DOCK7: variants seen among roughly 807,000 people sequenced by gnomAD.
The protein encoded by DOCK7 is dedicator of cytokinesis protein 7.
A neutral mutation model predicts 271.0 loss-of-function variants in DOCK7; 138 were observed. The observed-to-expected ratio is 0.51, with a 90% CI of 0.44 to 0.59. DOCK7 has a LOEUF of 0.59. Ranked by LOEUF, DOCK7 falls within the 20% of genes least tolerant of loss-of-function variation. The pLI, the probability that DOCK7 is intolerant of heterozygous loss-of-function variation, is 0.00. For synonymous variants in DOCK7, 823 were observed against 876.1 expected (o/e 0.94, Z 1.07); for missense variants, 2,066 against 2,592.4 (o/e 0.80, Z 4.41).
chr1:62,622,774 C>T (rs551855763), intron 12 of DOCK7, among the ~76,000 whole-genome samples: 1 of 151,908 alleles, frequency 6.6e-6, no homozygotes, highest in South Asian at 2.1e-4. Context: ...ACTAAAAATA[C>T]AAAAAATTAG....
intron 18 of DOCK7, among the ~76,000 whole-genome samples, chr1:62,572,481 C>T (rs1646814734): frequency 1.3e-5 from 2 of 152,124 alleles, no homozygotes; most frequent in Admixed American, 6.5e-5. Flanking sequence ...CTCAGGCTGC[C>T]ATAACAAAGT....
rs893944251 is a variant in DOCK7, at chr1:62,688,356, C to A, written c.-92G>T. Reference sequence around the variant, plus strand: ...GCCTCCTCGCTCGTGCTCCCTCCCTCGCGGCCTCCGCCAGTCCGGGCTCCG... The same window carrying A: ...GCCTCCTCGCTCGTGCTCCCTCCCTAGCGGCCTCCGCCAGTCCGGGCTCCG... On this transcript the variant is annotated 5_prime_UTR_variant, in exon 1 of 50. Coordinates refer to ENST00000635253, the MANE Select transcript of DOCK7 (RefSeq NM_001367561.1). The A allele has an allele frequency of 3.5e-6, 3 of 858,134 alleles. No individual in the cohort carries two copies. Among genetic ancestry groups the A allele is most frequent in the African/African-American group, 1.8e-5 (1 of 56,088 alleles). The allele number at this position is 858,134 out of a possible 1,614,324, so 53.2% of individuals were successfully genotyped here.
intron 48 of DOCK7, among the ~76,000 whole-genome samples, chr1:62,462,180 T>G (rs1398279633): frequency 6.6e-6 from 1 of 152,094 alleles, no homozygotes; most frequent in Non-Finnish European, 1.5e-5. Flanking sequence ...AGAAAACATT[T>G]AAAAGACCTA....
At chr1:62,466,365 G>T (rs79685303) in intron 48 of DOCK7, among the ~76,000 whole-genome samples, 381 of 152,324 alleles carry the variant, frequency 2.5e-3, no homozygotes, top group African/African-American at 8.7e-3. Context: ...ATGCAGTCAG[G>T]TTTATAATCA....
At position 62,475,238 on chromosome 1, in the gene DOCK7, G is replaced by T; in HGVS notation, c.6075C>A (p.Leu2025=). ...PADPKMLQMV[L]QGSVGTTVNQ... is the part of the protein sequence containing the mutation. The stretch of plus-strand genomic sequence containing the variant: ...TCACTGTGGTGCCTACAGATCCCTG[G>T]AGTACCATCTGAAGCATTTTGGGGT... Residue 2025 remains leucine (L), a synonymous_variant, in exon 47 of 50, where the codon CTC becomes CTA. Transcript: ENST00000635253. 4.3e-6 allele frequency: 7 copies of T among 1,613,894 alleles called. No homozygotes were observed. Among genetic ancestry groups the T allele is most frequent in the Non-Finnish European group, 5.9e-6 (7 of 1,179,896 alleles).
chr1:62,520,906 T>C (rs897929011), intron 31 of DOCK7, among the ~76,000 whole-genome samples: 16 of 152,098 alleles, frequency 1.1e-4, no homozygotes, highest in African/African-American at 3.9e-4. Context: ...ATACACACCA[T>C]GGAATACTAT....
chr1:62,540,188 T>TA (rs1223935973), intron 25 of DOCK7, among the ~76,000 whole-genome samples: 2 of 147,750 alleles, frequency 1.4e-5, no homozygotes, highest in African/African-American at 2.5e-5. Context: ...TTTTTTCCAA[T>TA]AAAAAAACAG....
In DOCK7 at chr1:62,633,581, GTCA is replaced by G; in HGVS notation, c.1036-6_1036-4del. 6.2e-7 allele frequency: 1 copy of G among 1,608,196 alleles called. No homozygotes were observed. Among genetic ancestry groups the G allele is most frequent in the Non-Finnish European group, 8.5e-7 (1 of 1,176,830 alleles). Reference sequence around the variant, plus strand: ...CCTTGCTGTAGGACTTTTTCTAGCTGTCAAAGGCAAAAAAAGTTAAGATTAAGC... The same window carrying G: ...CCTTGCTGTAGGACTTTTTCTAGCTGAAGGCAAAAAAAGTTAAGATTAAGC... On this transcript the variant is annotated splice_polypyrimidine_tract_variant and splice_region_variant and intron_variant, in intron 9 of 49. Transcript: ENST00000635253.
At chr1:62,528,758 T>C (rs918675858) in intron 30 of DOCK7, among the ~76,000 whole-genome samples, 1 of 152,134 alleles carries the variant, frequency 6.6e-6, no homozygotes, top group African/African-American at 2.4e-5. Context: ...CTAAAGAAAA[T>C]ATTGTTGCAA....
At chr1:62,622,718 T>G (rs1047059040) in intron 12 of DOCK7, among the ~76,000 whole-genome samples, 3 of 152,032 alleles carry the variant, frequency 2.0e-5, no homozygotes, top group Admixed American at 1.3e-4. Context: ...ATCACAAGGT[T>G]AGGAGATCGA....
In DOCK7 at chr1:62,631,271, T is replaced by C. The variant is rs747330045; in HGVS notation, c.1251A>G (p.Arg417=). Residue 417 remains arginine, a synonymous_variant, in exon 11 of 50, where the codon AGA becomes AGG. Transcript: ENST00000635253. ...NIVSSAGSLE[R]DSTEVEISTG... is the part of the protein sequence containing the mutation. The stretch of plus-strand genomic sequence containing the variant: ...TACTGATTTCTACTTCTGTAGAATC[T>C]CTTTCCAAACTCCCAGCACTGCTAA... 2 of 1,610,154 alleles carry C rather than the reference T, an allele frequency of 1.2e-6. No homozygotes were observed. Among genetic ancestry groups the C allele is most frequent in the South Asian group, 2.2e-5 (2 of 89,924 alleles).
intron 13 of DOCK7, 48 bp downstream of exon 13, chr1:62,619,852 T>A: frequency 8.4e-7 from 1 of 1,195,042 alleles, no homozygotes; most frequent in Non-Finnish European, 1.2e-6. Context: ...TACAACATAG[T>A]AGTGATAATA....
rs371309862 is a variant in DOCK7 at position 62,513,638 on chromosome 1, T to C, written c.4120-32A>G. On this transcript the variant is annotated intron_variant, in intron 32 of 49. Coordinates refer to ENST00000635253, the MANE Select transcript of DOCK7 (RefSeq NM_001367561.1). ...TGTAAACATTAGAAGAGAAGAGGTA[T>C]TGAGGAAATTTTCTTCTATTTTTTC... 5.4e-5 allele frequency: 87 copies of C among 1,603,666 alleles called. No individual in the cohort carries two copies. The African/African-American group carries it at 7.5e-4, about 14-fold the overall frequency.
At chr1:62,567,800 T>G (rs1259017454) in intron 18 of DOCK7, among the ~76,000 whole-genome samples, 1 of 150,492 alleles carries the variant, frequency 6.6e-6, no homozygotes. Flanking sequence ...TTGAAACCCA[T>G]CAAAGCAATA....
chr1:62,564,975 T>C (rs989774517), intron 18 of DOCK7, among the ~76,000 whole-genome samples: 6 of 152,120 alleles, frequency 3.9e-5, no homozygotes, highest in Non-Finnish European at 5.9e-5. Context: ...CCTGGATACA[T>C]ACACCCTCCC....
At chr1:62,556,630 T>A (rs1557712368) in intron 20 of DOCK7, among the ~76,000 whole-genome samples, 1 of 152,010 alleles carries the variant, frequency 6.6e-6, no homozygotes, top group South Asian at 2.1e-4. Flanking sequence ...TATGTAACAA[T>A]AATTTTACAA....
Position 62,647,771 on chromosome 1 carries a change from T to C in DOCK7, c.738A>G (p.Glu246=). The C allele has an allele frequency of 6.2e-7, 1 of 1,600,554 alleles. No homozygotes were observed. Residue 246 remains glutamate, a synonymous_variant, in exon 7 of 50, where the codon GAA becomes GAG. Transcript: ENST00000635253. ...FALHPSPDEE[E]PIERLSVPDI... ...CAGGAACACTAAGCCGTTCTATTGG[T>C]TCTTCCTACAAATTGAAAAGCAACA...
chr1:62,470,312 G>C (rs1571205755), intron 48 of DOCK7, among the ~76,000 whole-genome samples: 1 of 152,232 alleles, frequency 6.6e-6, no homozygotes, highest in East Asian at 1.9e-4. Flanking sequence ...AAGTAACTCA[G>C]GAATGAAAAA....
chr1:62,631,713 A>C (rs1654648806), intron 10 of DOCK7, among the ~76,000 whole-genome samples: 1 of 151,888 alleles, frequency 6.6e-6, no homozygotes, highest in South Asian at 2.1e-4. Flanking sequence ...AGGAAGTATA[A>C]CCATGGTCTA....
Sources: gnomAD v4.1 joint callset for allele counts (sites outside exome capture counted in the v4.1 genomes callset) on GRCh38, gnomAD v4.1.1 for gene constraint, MANE v1.5 for transcripts, NCBI Gene and HGNC (gene_info 2026-07-23, HGNC 2026-07-21) for gene names.